The following ZNF717 variants were observed in gnomAD, a reference collection of about 807,000 sequenced individuals.
ZNF717 encodes the protein zinc finger protein 717, also known as krueppel-like factor X17.
A neutral mutation model predicts 13.8 loss-of-function variants in ZNF717; 9 were observed. The ratio of observed to expected loss-of-function variants is 0.65; its 90% CI spans 0.39 to 1.14. The LOEUF (loss-of-function observed/expected upper bound fraction) is 1.14, where lower values mean the gene tolerates loss of function less well. Ranked by LOEUF, ZNF717 falls within the 50% of genes most tolerant of loss-of-function variation. The pLI, the probability that ZNF717 is intolerant of heterozygous loss-of-function variation, is 0.01. For missense variants in ZNF717, 1,040 were observed against 1,080.7 expected, an observed-to-expected ratio of 0.96 and a Z score of 0.53; for synonymous variants, 327 against 364.1, an observed-to-expected ratio of 0.90 and a Z score of 1.16.
chr3:75,709,258 C>T (rs1317623384), downstream of ZNF717, among the ~76,000 whole-genome samples: 7 of 152,048 alleles, frequency 4.6e-5, no homozygotes, highest in East Asian at 1.2e-3. Flanking sequence ...ACTCAGCCTC[C>T]CCAAGTGCTG....
intron 2 of ZNF717, among the ~76,000 whole-genome samples, chr3:75,760,523 C>G (rs1037431144): frequency 4.6e-5 from 7 of 152,110 alleles, no homozygotes; most frequent in African/African-American, 1.7e-4. Flanking sequence ...TACCCAAACT[C>G]AGGAGGAGGC....
chr3:75,762,782 C>T (rs1318303494), intron 2 of ZNF717, among the ~76,000 whole-genome samples: 1 of 151,784 alleles, frequency 6.6e-6, no homozygotes, highest in Non-Finnish European at 1.5e-5. Flanking sequence ...TTAAAGGTCT[C>T]AAAACAATTA....
At chr3:75,777,132 G>A (rs1944380314) in intron 2 of ZNF717, among the ~76,000 whole-genome samples, 2 of 152,102 alleles carry the variant, frequency 1.3e-5, no homozygotes, top group Non-Finnish European at 2.9e-5. Flanking sequence ...CAACTGGAAT[G>A]ACAAGAAATT....
chr3:75,766,514 T>TAC lies in ZNF717; in HGVS notation c.57+16790_57+16791dup, dbSNP rs894740665. Among the ~76,000 whole-genome samples, 9 of 152,132 alleles carry TAC rather than the reference T, an allele frequency of 5.9e-5. No homozygotes were observed. The East Asian group carries it at 7.7e-4, about 13-fold the overall frequency. ...ATTGTGCCTCAAAGTGCACACAAAG[T>TAC]ACACACACACACAAAACCTCAAAGT... On this transcript the variant is annotated intron_variant, in intron 2 of 4. Transcript: ENST00000652011.
chr3:75,765,467 A>G (rs536420410), intron 2 of ZNF717, among the ~76,000 whole-genome samples: 20 of 152,310 alleles, frequency 1.3e-4, no homozygotes, highest in Admixed American at 1.0e-3. Context: ...CAGGAGTGCA[A>G]TGGCATGATC....
intron 2 of ZNF717, among the ~76,000 whole-genome samples, chr3:75,776,480 G>A: frequency 6.6e-6 from 1 of 152,148 alleles, no homozygotes; most frequent in South Asian, 2.1e-4. Context: ...AGATTATTAT[G>A]CTGAAGTGTA....
chr3:75,778,596 CA>C (rs1301951417), intron 2 of ZNF717, among the ~76,000 whole-genome samples: 34 of 147,064 alleles, frequency 2.3e-4, no homozygotes, highest in African/African-American at 8.6e-4. Flanking sequence ...AGTGACCTGC[CA>C]AAACCAGAAA....
At chr3:75,776,999 A>C (rs1458477754) in intron 2 of ZNF717, among the ~76,000 whole-genome samples, 1 of 152,232 alleles carries the variant, frequency 6.6e-6, no homozygotes, top group African/African-American at 2.4e-5. Flanking sequence ...CTGAGTAAGG[A>C]GCATATGCCA....
rs1453710059 is a variant in ZNF717 at position 75,736,281 on chromosome 3, AGT to A, written c.*595_*596del. 6.5e-6 allele frequency: 1 copy of A among 152,788 alleles called. No homozygotes were observed. Among genetic ancestry groups the A allele is most frequent in the African/African-American group, 2.4e-5 (1 of 41,472 alleles). 9.5% of individuals were successfully genotyped at this position (152,788 alleles called of 1,614,324 possible). A position where few individuals can be genotyped will look rare whatever the true frequency, so the allele number is the denominator to read the frequency against. On this transcript the variant is annotated 3_prime_UTR_variant, in exon 5 of 5. Transcript: ENST00000652011. Reference sequence around the variant, plus strand: ...GCCACCATGTGTTCAATTGAAAAGAAGTGTGCACACCTGTCACTTCAAATCAA... The same window carrying A: ...GCCACCATGTGTTCAATTGAAAAGAAGTGCACACCTGTCACTTCAAATCAA...
At chr3:75,766,781 G>C (rs1016454762) in intron 2 of ZNF717, among the ~76,000 whole-genome samples, 6 of 152,254 alleles carry the variant, frequency 3.9e-5, no homozygotes, top group Non-Finnish European at 5.9e-5. Context: ...AGTATGCAAA[G>C]TATGTTGTCT....
At chr3:75,718,757 T>C (rs1938112338) in intron 4 of ZNF717, among the ~76,000 whole-genome samples, 1 of 152,172 alleles carries the variant, frequency 6.6e-6, no homozygotes, top group African/African-American at 2.4e-5. Flanking sequence ...GAGAATCGAA[T>C]GCTGCAGCTG....
chr3:75,716,233 C>T (rs1575719087), intron 5 of ZNF717, among the ~76,000 whole-genome samples: 3 of 150,434 alleles, frequency 2.0e-5, no homozygotes, highest in Non-Finnish European at 4.4e-5. Context: ...CCCACCTTGG[C>T]CTCCCAAGAT....
chr3:75,739,855 A>C (rs1183486045), intron 4 of ZNF717, among the ~76,000 whole-genome samples: 4 of 152,178 alleles, frequency 2.6e-5, no homozygotes, highest in Admixed American at 6.5e-5. Context: ...CCTATATGTT[A>C]ACCTTTCACT....
At chr3:75,776,536 G>A (rs73119226) in intron 2 of ZNF717, among the ~76,000 whole-genome samples, 270 of 130,610 alleles carry the variant, frequency 2.1e-3, no homozygotes, top group African/African-American at 6.6e-3. Context: ...TGAGGACAGC[G>A]AACCCCTTCA....
chr3:75,761,890 T>C (rs1361679159), intron 2 of ZNF717, among the ~76,000 whole-genome samples: 2 of 152,132 alleles, frequency 1.3e-5, no homozygotes, highest in Non-Finnish European at 2.9e-5. Flanking sequence ...TCTGTCTCTA[T>C]TAAAAATACA....
At chr3:75,757,985 G>A (rs1190686340) in intron 2 of ZNF717, among the ~76,000 whole-genome samples, 1 of 151,598 alleles carries the variant, frequency 6.6e-6, no homozygotes, top group Non-Finnish European at 1.5e-5. Flanking sequence ...GAGCCTGGTG[G>A]GGGATGCCTG....
At chr3:75,770,601 A>C (rs950055028) in intron 2 of ZNF717, among the ~76,000 whole-genome samples, 1 of 152,110 alleles carries the variant, frequency 6.6e-6, no homozygotes, top group African/African-American at 2.4e-5. Context: ...AACCAAACAA[A>C]AGTAACAGGG....
chr3:75,771,367 A>C (rs1466340918), intron 2 of ZNF717, among the ~76,000 whole-genome samples: 1 of 152,168 alleles, frequency 6.6e-6, no homozygotes, highest in Non-Finnish European at 1.5e-5. Flanking sequence ...GTCTCACTGA[A>C]TCTGCTGTGA....
chr3:75,711,319 G>A (rs1575716215), intron 5 of ZNF717: 1 of 152,174 alleles, frequency 6.6e-6, no homozygotes, highest in African/African-American at 2.4e-5. Flanking sequence ...TCTTAAATCT[G>A]GAAAACAAAA....
Sources: allele counts gnomAD v4.1 joint callset (sites outside exome capture counted in the v4.1 genomes callset), GRCh38; gene constraint gnomAD v4.1.1; transcripts MANE v1.5; gene names NCBI Gene and HGNC (gene_info 2026-07-23, HGNC 2026-07-21).